The following TRPV4 variants were observed in gnomAD, a reference collection of about 807,000 sequenced individuals.
The protein encoded by TRPV4 is transient receptor potential cation channel subfamily V member 4.
Under a neutral mutation model 84.1 loss-of-function variants are expected in TRPV4, and 58 were observed. The observed-to-expected ratio is 0.69, with a 90% CI of 0.56 to 0.86. The LOEUF (loss-of-function observed/expected upper bound fraction) is 0.86. Among genes scored for constraint, TRPV4 ranks in the 40% least tolerant of loss-of-function variants. TRPV4 has a pLI of 0.00. For synonymous variants in TRPV4, 489 were observed against 500.9 expected (o/e 0.98, Z 0.32); for missense variants, 879 against 1,181.1 (o/e 0.74, Z 3.75).
rs749421876 is a variant in TRPV4, at chr12:109,794,386, G to T, written c.1434C>A (p.Tyr478Ter). The T allele has an allele frequency of 4.3e-6, 7 of 1,613,780 alleles. No individual in the cohort carries two copies. The highest frequency in any genetic ancestry group is 5.9e-6 in the Non-Finnish European group (7 of 1,180,038). The change falls in exon 8 of 16, where the codon TAC becomes TAA. Residue 478 changes from tyrosine (Y) to a stop codon, truncating the protein, a stop_gained. Coordinates refer to ENST00000261740, the MANE Select transcript of TRPV4 (RefSeq NM_021625.5). LOFTEE classifies it high-confidence loss of function. ...AVSFYINVVSYLCAMVIFTLT... is the reference protein window; with the variant it reads ...AVSFYINVVS ...GAGTGAAGATGACCATGGCACACAG[G>T]TAGGAGACCACGTTGATGTAGAAGG...
intron 14 of TRPV4, 108 bp from the exon 15 acceptor site, chr12:109,784,545 C>T: frequency 6.5e-7 from 1 of 1,548,790 alleles, no homozygotes. Flanking sequence ...ATATACATAA[C>T]AAGGCTGGGC....
chr12:109,800,606 G>T lies in TRPV4; in HGVS notation c.853+12C>A, dbSNP rs778516382. 1 of 1,614,070 alleles carries T rather than the reference G, an allele frequency of 6.2e-7. No homozygotes were observed. The highest frequency in any genetic ancestry group is 1.7e-5 in the Admixed American group (1 of 60,028). Reference sequence around the variant, plus strand: ...CCAGCATGCTGTCAGCCCCCACCAGGCCCCTCCTTACCAAAGTAGAAGTAG... The same window carrying T: ...CCAGCATGCTGTCAGCCCCCACCAGTCCCCTCCTTACCAAAGTAGAAGTAG... On this transcript the variant is annotated intron_variant, in intron 5 of 15. Coordinates refer to ENST00000261740, the MANE Select transcript of TRPV4 (RefSeq NM_021625.5).
At chr12:109,785,903 A>G (rs972905435) in intron 14 of TRPV4, among the ~76,000 whole-genome samples, 41 of 152,040 alleles carry the variant, frequency 2.7e-4, no homozygotes, top group African/African-American at 8.4e-4. Context: ...ACATGGTGGC[A>G]TGAGGAGGCT....
At chr12:109,802,746 G>T (rs1890876919) in intron 4 of TRPV4, among the ~76,000 whole-genome samples, 1 of 151,856 alleles carries the variant, frequency 6.6e-6, no homozygotes. Flanking sequence ...AAGAGCCACC[G>T]CACCCAGTGG....
At chr12:109,794,610 C>T (rs993650494) in intron 7 of TRPV4, 123 bp from the exon 8 acceptor site, 6 of 1,033,178 alleles carry the variant, frequency 5.8e-6, no homozygotes, top group Non-Finnish European at 9.0e-6. Flanking sequence ...CCATCCATTC[C>T]TCAGCTGCAT....
At chr12:109,828,824 G>A (rs1892337161) in intron 1 of TRPV4, among the ~76,000 whole-genome samples, 1 of 152,042 alleles carries the variant, frequency 6.6e-6, no homozygotes, top group Admixed American at 6.6e-5. Flanking sequence ...TCTGAGTCTC[G>A]ATTTCCTCAG....
Position 109,796,843 on chromosome 12 carries a change from C to CT in TRPV4, c.1153-140dup. The stretch of plus-strand genomic sequence containing the variant: ...GACCCTTTCCTCATCTTGTTTAATT[C>CT]TTGCTCTTATTATCTTGGTTTACAG... On this transcript the variant is annotated intron_variant, in intron 6 of 15. Coordinates refer to ENST00000261740, the MANE Select transcript of TRPV4 (RefSeq NM_021625.5). The surrounding 1 kb of genome is among the most constrained non-coding windows in gnomAD (Gnocchi z 4.2). The CT allele has an allele frequency of 1.1e-6, 1 of 883,214 alleles. No homozygotes were observed. The highest frequency in any genetic ancestry group is 1.7e-6 in the Non-Finnish European group (1 of 601,870). 54.7% of individuals were successfully genotyped at this position (883,214 alleles called of 1,614,324 possible).
chr12:109,814,046 T>C lies in TRPV4; in HGVS notation c.386+365A>G, dbSNP rs947988797. ...GATGGCTGGATGATGGATGGATGTA[T>C]GGATGGATGATATATGGATGGATGA... On this transcript the variant is annotated intron_variant, in intron 2 of 15. Transcript: ENST00000261740. The surrounding 1 kb of genome is among the most constrained non-coding windows in gnomAD (Gnocchi z 5.4). Among the ~76,000 whole-genome samples the C allele has an allele frequency of 7.1e-6, 1 of 140,232 alleles. No homozygotes were observed. Among genetic ancestry groups the C allele is most frequent in the South Asian group, 2.1e-4 (1 of 4,760 alleles). The allele number at this position is 140,232 out of a possible 152,430, so 92.0% of individuals were successfully genotyped here. A position where few individuals can be genotyped will look rare whatever the true frequency, so the allele number is the denominator to read the frequency against.
intron 1 of TRPV4, among the ~76,000 whole-genome samples, chr12:109,831,680 GTT>G (rs2136732922): frequency 6.6e-6 from 1 of 152,336 alleles, no homozygotes; most frequent in South Asian, 2.1e-4. Flanking sequence ...AGGTATCTGG[GTT>G]TCACCTGGGG....
intron 1 of TRPV4, among the ~76,000 whole-genome samples, chr12:109,822,695 T>C (rs948525319): frequency 6.6e-6 from 1 of 152,178 alleles, no homozygotes; most frequent in Admixed American, 6.5e-5. Context: ...TCGCAGTCCC[T>C]GACGAACCAC....
At position 109,793,210 on chromosome 12, in the gene TRPV4, CTCTT is replaced by C. The variant is rs945111453; in HGVS notation, c.1658+313_1658+316del. On this transcript the variant is annotated intron_variant, in intron 10 of 15. Transcript: ENST00000261740. The surrounding 1 kb of genome is among the most constrained non-coding windows in gnomAD (Gnocchi z 4.0). Reference sequence around the variant, plus strand: ...GGCAGACATCATTAATCAATCCCAACTCTTTCCCACTAAACACAGACACAGGTGC... The same window carrying C: ...GGCAGACATCATTAATCAATCCCAACTCCCACTAAACACAGACACAGGTGC... Among the ~76,000 whole-genome samples, 1 of 152,230 alleles carries C rather than the reference CTCTT, an allele frequency of 6.6e-6. No individual in the cohort carries two copies. Among genetic ancestry groups the C allele is most frequent in the African/African-American group, 2.4e-5 (1 of 41,450 alleles).
At chr12:109,829,791 C>T (rs1380293320) in intron 1 of TRPV4, among the ~76,000 whole-genome samples, 2 of 152,212 alleles carry the variant, frequency 1.3e-5, no homozygotes, top group African/African-American at 2.4e-5. Context: ...CTTAAACATG[C>T]GGATGCAGTT....
intron 5 of TRPV4, among the ~76,000 whole-genome samples, chr12:109,799,826 T>C (rs1180532611): frequency 6.6e-6 from 1 of 152,092 alleles, no homozygotes; most frequent in East Asian, 1.9e-4. Context: ...AGTGGTGCAA[T>C]CATGGCTTAC....
chr12:109,824,084 G>C lies in TRPV4; in HGVS notation c.-31-9257C>G, dbSNP rs190196295. Among the ~76,000 whole-genome samples the C allele has an allele frequency of 1.1e-3, 160 of 152,124 alleles. 1 individual carries two copies. Among genetic ancestry groups the C allele is most frequent in the African/African-American group, 3.6e-3 (151 of 41,522 alleles). On this transcript the variant is annotated intron_variant, in intron 1 of 15. Coordinates refer to ENST00000261740, the MANE Select transcript of TRPV4 (RefSeq NM_021625.5). ...AGGTTCAAGCAATCCTCCTGCCTCA[G>C]CCTCCCAAGTAGCTGGGATTACAGG...
At chr12:109,828,496 C>A (rs909837890) in intron 1 of TRPV4, among the ~76,000 whole-genome samples, 5 of 152,186 alleles carry the variant, frequency 3.3e-5, no homozygotes, top group African/African-American at 9.7e-5. Context: ...TTGAAGGAGC[C>A]CAGGCCAGAA....
chr12:109,811,459 A>G (rs184636519), intron 2 of TRPV4, among the ~76,000 whole-genome samples: 2 of 152,262 alleles, frequency 1.3e-5, no homozygotes, highest in African/African-American at 4.8e-5. Context: ...GTAGTTCGAG[A>G]CTAGCCTGGC....
In TRPV4 at chr12:109,784,684, TA is replaced by T. The variant is rs1047237822; in HGVS notation, c.2337-248del. Among the ~76,000 whole-genome samples the T allele has an allele frequency of 1.7e-3, 247 of 147,560 alleles. 3 individuals are homozygous for T. The highest frequency in any genetic ancestry group is 6.0e-3 in the African/African-American group (242 of 40,068). ...ACCTCTACTAAAAATTAAAAAAAAT[TA>T]AAAAAAAAATTAGCGGGGCATGGTG... On this transcript the variant is annotated intron_variant, in intron 14 of 15. Coordinates refer to ENST00000261740, the MANE Select transcript of TRPV4 (RefSeq NM_021625.5).
At position 109,798,514 on chromosome 12, in the gene TRPV4, C is replaced by T. The variant is rs1380818371; in HGVS notation, c.1152+100G>A. The T allele has an allele frequency of 2.8e-6, 4 of 1,443,082 alleles. No homozygotes were observed. Among genetic ancestry groups the T allele is most frequent in the Admixed American group, 3.7e-5 (2 of 54,382 alleles). 89.4% of individuals were successfully genotyped at this position (1,443,082 alleles called of 1,614,324 possible). The stretch of plus-strand genomic sequence containing the variant: ...ACTGGGGTTGGCATGTTGGGAGGTG[C>T]ATGCACGTATTAATAATGAATACCA... On this transcript the variant is annotated intron_variant, in intron 6 of 15. Transcript: ENST00000261740. The surrounding 1 kb of genome is among the most constrained non-coding windows in gnomAD (Gnocchi z 5.0).
intron 1 of TRPV4, among the ~76,000 whole-genome samples, chr12:109,827,581 A>G (rs868591045): frequency 2.0e-5 from 3 of 151,632 alleles, no homozygotes; most frequent in African/African-American, 7.3e-5. Flanking sequence ...ACTACACACA[A>G]ATACATATAC....
Sources: gnomAD v4.1 joint callset for allele counts (sites outside exome capture counted in the v4.1 genomes callset) on GRCh38, gnomAD v4.1.1 for gene constraint, Gnocchi (gnomAD v3.1) non-coding constraint, MANE v1.5 for transcripts, NCBI Gene and HGNC (gene_info 2026-07-23, HGNC 2026-07-21) for gene names.